RNF217: variants seen among roughly 807,000 people sequenced by gnomAD.
The protein encoded by RNF217 is E3 ubiquitin-protein ligase RNF217.
In RNF217, 31 loss-of-function variants were observed where a neutral mutation model predicts 57.8. That is an observed-to-expected ratio of 0.54 (90% CI 0.40 to 0.72). The LOEUF is 0.72. Among genes scored for constraint, RNF217 ranks in the 30% least tolerant of loss-of-function variants. The pLI, the probability that RNF217 is intolerant of heterozygous loss-of-function variation, is 0.00. For synonymous variants in RNF217, 313 were observed against 294.0 expected (o/e 1.06, Z -0.66); for missense variants, 696 against 708.3 (o/e 0.98, Z 0.20).
At chr6:124,983,781 T>C (rs998802114) in intron 1 of RNF217, among the ~76,000 whole-genome samples, 1 of 152,186 alleles carries the variant, frequency 6.6e-6, no homozygotes, top group Non-Finnish European at 1.5e-5. Context: ...GAAAAGATAC[T>C]TAATGGGTTA....
In RNF217 at chr6:125,034,740, T is replaced by C. The variant is rs1156884344; in HGVS notation, c.883-10471T>C. On this transcript the variant is annotated intron_variant, in intron 1 of 5. Transcript: ENST00000521654. ...TTTTCCAATTCTGTGAAGAAAGTCA[T>C]TGGTAGCTTGATGGGGATGGCAACT... Among the ~76,000 whole-genome samples the C allele has an allele frequency of 1.2e-4, 19 of 152,274 alleles. No homozygotes were observed. The East Asian group carries it at 3.5e-3, about 28-fold the overall frequency.
At chr6:125,059,775 A>G (rs900249136) in intron 3 of RNF217, among the ~76,000 whole-genome samples, 1 of 152,234 alleles carries the variant, frequency 6.6e-6, no homozygotes, top group African/African-American at 2.4e-5. Context: ...TAACAAATGT[A>G]GATAAACTGT....
At chr6:125,047,855 T>C (rs1204133685) in intron 2 of RNF217, among the ~76,000 whole-genome samples, 1 of 152,092 alleles carries the variant, frequency 6.6e-6, no homozygotes, top group Non-Finnish European at 1.5e-5. Context: ...CTCATTACAC[T>C]ATAAAATGAA....
chr6:125,058,491 G>T lies in RNF217; in HGVS notation c.1281+385G>T, dbSNP rs570997163. Reference sequence around the variant, plus strand: ...AATTATATAGGCTTTGAATCCTTGCGATCTTTTGCTTTTCTTTCCTTGCTG... The same window carrying T: ...AATTATATAGGCTTTGAATCCTTGCTATCTTTTGCTTTTCTTTCCTTGCTG... On this transcript the variant is annotated intron_variant, in intron 3 of 5. Transcript: ENST00000521654. Among the ~76,000 whole-genome samples the T allele has an allele frequency of 5.9e-5, 9 of 152,204 alleles. No individual in the cohort carries two copies. In the South Asian group the frequency reaches 1.7e-3, roughly 28 times the overall value.
chr6:125,039,512 CA>C (rs1454896244), intron 1 of RNF217, among the ~76,000 whole-genome samples: 2 of 152,100 alleles, frequency 1.3e-5, no homozygotes, highest in Non-Finnish European at 2.9e-5. Flanking sequence ...GAGACTTTAA[CA>C]CCACATTTTC....
intron 3 of RNF217, among the ~76,000 whole-genome samples, chr6:125,065,551 G>T (rs1562492646): frequency 2.0e-5 from 3 of 152,096 alleles, no homozygotes; most frequent in Non-Finnish European, 2.9e-5. Flanking sequence ...GTCTCCTGGG[G>T]CATGAGAGCA....
chr6:125,063,068 C>T (rs1250125038), intron 3 of RNF217, among the ~76,000 whole-genome samples: 8 of 151,972 alleles, frequency 5.3e-5, no homozygotes, highest in Admixed American at 1.3e-4. Context: ...AAGTCTAGTT[C>T]GTAATAGTTT....
intron 1 of RNF217, among the ~76,000 whole-genome samples, chr6:125,001,608 A>T (rs1457250317): frequency 6.6e-6 from 1 of 152,234 alleles, no homozygotes; most frequent in African/African-American, 2.4e-5. Flanking sequence ...TTTGAATCAC[A>T]GTTGTTAAAA....
intron 2 of RNF217, among the ~76,000 whole-genome samples, chr6:125,055,434 C>G (rs191634723): frequency 6.6e-6 from 1 of 152,270 alleles, no homozygotes; most frequent in African/African-American, 2.4e-5. Flanking sequence ...TTAGGAGAAT[C>G]ATGCATTGCT....
chr6:125,082,698 GGAAATATTAAAGAAT>G, intron 5 of RNF217, 151 bp from the exon 6 acceptor site: 1 of 1,338,068 alleles, frequency 7.5e-7, no homozygotes, highest in Non-Finnish European at 1.0e-6. Context: ...AAAGCTAAAG[GGAAATATTAAAGAAT>G]GAAATATTGA....
At chr6:124,999,795 A>C (rs1784902203) in intron 1 of RNF217, among the ~76,000 whole-genome samples, 1 of 152,230 alleles carries the variant, frequency 6.6e-6, no homozygotes. Context: ...AACGTTAAAA[A>C]AAAATCCAGT....
intron 3 of RNF217, among the ~76,000 whole-genome samples, chr6:125,063,551 T>G (rs546107102): frequency 6.6e-6 from 1 of 152,296 alleles, no homozygotes; most frequent in South Asian, 2.1e-4. Context: ...GTCTCCTCTG[T>G]AGTTACTATA....
At chr6:125,082,185 C>T (rs891903696) in intron 5 of RNF217, among the ~76,000 whole-genome samples, 16 of 152,020 alleles carry the variant, frequency 1.1e-4, no homozygotes, top group African/African-American at 3.1e-4. Flanking sequence ...AGGTGATGCT[C>T]ATGCAGCTGG....
chr6:124,983,178 A>G (rs1784239728), intron 1 of RNF217, among the ~76,000 whole-genome samples: 1 of 152,150 alleles, frequency 6.6e-6, no homozygotes. Context: ...TTTATGTAAA[A>G]TCAATTTTTA....
rs1410003797 is a variant in RNF217, at chr6:125,085,837, G to T, written c.*2900G>T. The T allele has an allele frequency of 6.6e-6, 1 of 151,732 alleles. No homozygotes were observed. The highest frequency in any genetic ancestry group is 2.4e-5 in the African/African-American group (1 of 41,356). The allele number at this position is 151,732 out of a possible 1,614,324, so 9.4% of individuals were successfully genotyped here. A position where few individuals can be genotyped will look rare whatever the true frequency, so the allele number is the denominator to read the frequency against. On this transcript the variant is annotated 3_prime_UTR_variant, in exon 6 of 6. Transcript: ENST00000521654. ...TGTGTGTATTCATTTTATACAAATA[G>T]AAAAATATTCTTACTGTGCTGTGAC...
intron 1 of RNF217, among the ~76,000 whole-genome samples, chr6:124,989,478 A>G (rs1410746886): frequency 6.6e-6 from 1 of 152,154 alleles, no homozygotes; most frequent in Non-Finnish European, 1.5e-5. Context: ...TGTCACTGTG[A>G]TTCATAGTGA....
intron 1 of RNF217, among the ~76,000 whole-genome samples, chr6:124,963,774 A>G (rs572587793): frequency 3.3e-5 from 5 of 152,360 alleles, no homozygotes; most frequent in African/African-American, 1.2e-4. Flanking sequence ...CCCAGAAACT[A>G]ACAAGCAGTG....
chr6:125,062,625 G>A (rs182394935), intron 3 of RNF217, among the ~76,000 whole-genome samples: 58 of 152,182 alleles, frequency 3.8e-4, no homozygotes, highest in Admixed American at 2.4e-3. Context: ...CACCCGGGAT[G>A]GAGTGCAGTG....
chr6:125,003,323 G>T (rs1785056990), intron 1 of RNF217, among the ~76,000 whole-genome samples: 1 of 152,158 alleles, frequency 6.6e-6, no homozygotes, highest in South Asian at 2.1e-4. Context: ...ACTGGCTCTG[G>T]AGTCAGACTG....
Sources: allele counts gnomAD v4.1 joint callset (sites outside exome capture counted in the v4.1 genomes callset), GRCh38; gene constraint gnomAD v4.1.1; transcripts MANE v1.5; gene names NCBI Gene and HGNC (gene_info 2026-07-23, HGNC 2026-07-21).